Variants in MBTD1 observed in about 807,000 individuals in gnomAD.
MBTD1 encodes the protein MBT domain-containing protein 1.
In MBTD1, 24 loss-of-function variants were observed where a neutral mutation model predicts 87.8. The observed-to-expected ratio is 0.27, with a 90% CI of 0.20 to 0.38. MBTD1 has a LOEUF of 0.38. MBTD1 is among the 10% of genes least tolerant of loss of function. The pLI, the probability that MBTD1 is intolerant of heterozygous loss-of-function variation, is 1.00. For missense variants in MBTD1, 436 were observed against 760.2 expected, an observed-to-expected ratio of 0.57 and a Z score of 5.02; for synonymous variants, 237 against 248.6, an observed-to-expected ratio of 0.95 and a Z score of 0.44.
chr17:51,208,890 C>T (rs1337094713), intron 6 of MBTD1, among the ~76,000 whole-genome samples: 1 of 152,094 alleles, frequency 6.6e-6, no homozygotes, highest in Non-Finnish European at 1.5e-5. Flanking sequence ...ATAATGTTCA[C>T]TTTGGTGGAG....
At chr17:51,220,708 C>G (rs1161844111) in intron 3 of MBTD1, among the ~76,000 whole-genome samples, 1 of 152,096 alleles carries the variant, frequency 6.6e-6, no homozygotes, top group African/African-American at 2.4e-5. Flanking sequence ...GAAAGGTTTA[C>G]AAAGGGTCAA....
At chr17:51,187,072 C>T (rs565834625) in intron 16 of MBTD1, among the ~76,000 whole-genome samples, 1 of 152,200 alleles carries the variant, frequency 6.6e-6, no homozygotes, top group South Asian at 2.1e-4. Context: ...CTAAAATGTA[C>T]TTCCAAATTC....
chr17:51,201,423 T>C (rs1233948468), intron 12 of MBTD1, among the ~76,000 whole-genome samples, 169 bp downstream of exon 12: 1 of 152,188 alleles, frequency 6.6e-6, no homozygotes, highest in Non-Finnish European at 1.5e-5. Context: ...ATAAACTATG[T>C]AAGATCAGAG....
chr17:51,220,582 C>T (rs1598367175), intron 3 of MBTD1, 119 bp from the exon 4 acceptor site: 1 of 860,516 alleles, frequency 1.2e-6, no homozygotes, highest in East Asian at 2.7e-5. Flanking sequence ...TTGCCTTGAA[C>T]ATTTCTTCTA....
chr17:51,212,549 A>G (rs2052307679), intron 6 of MBTD1, among the ~76,000 whole-genome samples: 1 of 151,358 alleles, frequency 6.6e-6, no homozygotes, highest in Admixed American at 6.6e-5. Context: ...TGGGATTATT[A>G]GTTTAGGTAC....
intron 16 of MBTD1, 88 bp from the exon 17 acceptor site, chr17:51,180,782 A>G (rs1269169318): frequency 1.4e-6 from 1 of 708,394 alleles, no homozygotes; most frequent in East Asian, 2.7e-5. Context: ...TCAGCTTTAC[A>G]GTTATTAAGA....
chr17:51,258,887 A>G (rs1267498161), intron 2 of MBTD1, among the ~76,000 whole-genome samples: 1 of 151,694 alleles, frequency 6.6e-6, no homozygotes, highest in Non-Finnish European at 1.5e-5. Flanking sequence ...CTATCTCTCA[A>G]CCCCCCTTCC....
intron 2 of MBTD1, among the ~76,000 whole-genome samples, chr17:51,246,642 A>C (rs1039741229): frequency 6.6e-6 from 1 of 151,840 alleles, no homozygotes; most frequent in Non-Finnish European, 1.5e-5. Flanking sequence ...TTATGTCTCT[A>C]ATTTGTTTTT....
chr17:51,182,750 G>A (rs917305941), intron 16 of MBTD1, among the ~76,000 whole-genome samples: 2 of 152,130 alleles, frequency 1.3e-5, no homozygotes, highest in Non-Finnish European at 1.5e-5. Flanking sequence ...TAAATGGAGA[G>A]GATACACATA....
intron 2 of MBTD1, among the ~76,000 whole-genome samples, chr17:51,225,785 C>CT (rs34812017): frequency 0.042 from 6,144 of 146,714 alleles, 433 homozygotes; most frequent in African/African-American, 0.14. Context: ...ATTCCTAGCA[C>CT]TTTTTTTTTT....
chr17:51,196,138 C>T (rs2145125565), intron 12 of MBTD1, among the ~76,000 whole-genome samples: 1 of 152,096 alleles, frequency 6.6e-6, no homozygotes, highest in East Asian at 1.9e-4. Context: ...TCTCAAACTC[C>T]TGGGCTCAAG....
intron 2 of MBTD1, among the ~76,000 whole-genome samples, chr17:51,244,986 C>T (rs7223928): frequency 0.51 from 77,954 of 151,812 alleles, 20,323 homozygotes; most frequent in South Asian, 0.65. Flanking sequence ...CTGCAACCTC[C>T]GCCTCCCAGG....
intron 6 of MBTD1, among the ~76,000 whole-genome samples, chr17:51,208,155 C>T (rs2051957817): frequency 6.6e-6 from 1 of 152,180 alleles, no homozygotes; most frequent in Non-Finnish European, 1.5e-5. Context: ...ACATTCAACC[C>T]CTACCCTCTT....
chr17:51,260,403 C>T (rs1200943593), upstream of MBTD1: 4 of 655,980 alleles, frequency 6.1e-6, no homozygotes, highest in African/African-American at 1.9e-5. Context: ...AACTCCCACA[C>T]GGGGCGGGGC....
chr17:51,237,305 A>G (rs2053903136), intron 2 of MBTD1, among the ~76,000 whole-genome samples: 1 of 151,618 alleles, frequency 6.6e-6, no homozygotes, highest in African/African-American at 2.4e-5. Flanking sequence ...CAAAAAAAAA[A>G]AAAAAAAAAA....
chr17:51,244,657 C>G (rs2144085928), intron 2 of MBTD1, among the ~76,000 whole-genome samples: 1 of 152,316 alleles, frequency 6.6e-6, no homozygotes, highest in East Asian at 1.9e-4. Context: ...ATCTGCCCCA[C>G]TGAGCCTCCC....
At chr17:51,217,941 A>G (rs150526665) in intron 5 of MBTD1, among the ~76,000 whole-genome samples, 46 of 152,286 alleles carry the variant, frequency 3.0e-4, no homozygotes, top group East Asian at 1.9e-3. Context: ...CTCCTGAGGA[A>G]GTGAGGTACA....
intron 6 of MBTD1, among the ~76,000 whole-genome samples, chr17:51,211,008 G>A (rs778856143): frequency 3.3e-5 from 5 of 151,244 alleles, no homozygotes; most frequent in South Asian, 2.1e-4. Context: ...GTGGTGGCAC[G>A]CACCTGTAGT....
chr17:51,185,354 A>G (rs181430824), intron 16 of MBTD1: 6 of 152,372 alleles, frequency 3.9e-5, no homozygotes, highest in East Asian at 3.9e-4. Flanking sequence ...CTCATGCCCT[A>G]TGATAATACC....
Sources: gnomAD v4.1 joint callset for allele counts (sites outside exome capture counted in the v4.1 genomes callset) on GRCh38, gnomAD v4.1.1 for gene constraint, MANE v1.5 for transcripts, NCBI Gene and HGNC (gene_info 2026-07-23, HGNC 2026-07-21) for gene names.